Variants in ARHGEF4 observed in about 807,000 individuals in gnomAD.
ARHGEF4 encodes the protein APC-stimulated guanine nucleotide exchange factor 1.
In ARHGEF4, 119 loss-of-function variants were observed where a neutral mutation model predicts 162.0. That is an observed-to-expected ratio of 0.73 (90% CI 0.63 to 0.86). ARHGEF4 has a LOEUF of 0.86. ARHGEF4 is among the 40% of genes least tolerant of loss of function. ARHGEF4 has a pLI of 0.00. For missense variants in ARHGEF4, 2,488 were observed against 2,456.0 expected (o/e 1.01, Z -0.28); for synonymous variants, 1,014 against 979.9 (o/e 1.03, Z -0.65).
At chr2:130,933,756 G>C (rs758013729) in intron 3 of ARHGEF4, among the ~76,000 whole-genome samples, 3 of 152,134 alleles carry the variant, frequency 2.0e-5, no homozygotes, top group African/African-American at 7.2e-5. Flanking sequence ...AAATACAATT[G>C]ATTTTTGTTT....
At position 131,020,268 on chromosome 2, in the gene ARHGEF4, C is replaced by T. The variant is rs566364023; in HGVS notation, c.3986-7677C>T. On this transcript the variant is annotated intron_variant, in intron 4 of 13. Transcript: ENST00000409359. ...GTTTGTTACATATGTATACATGTGCCATGTTGGTGTGCTGCACCCATTAAC... is the reference window on the plus strand; with the variant it reads ...GTTTGTTACATATGTATACATGTGCTATGTTGGTGTGCTGCACCCATTAAC... Among the ~76,000 whole-genome samples, 26 of 151,706 alleles carry T rather than the reference C, an allele frequency of 1.7e-4. No homozygotes were observed. In the East Asian group the frequency reaches 4.7e-3, roughly 27 times the overall value.
At position 131,040,200 on chromosome 2, in the gene ARHGEF4, C is replaced by T; in HGVS notation, c.4482+8C>T. The T allele has an allele frequency of 1.2e-6, 2 of 1,609,058 alleles. No individual in the cohort carries two copies. The highest frequency in any genetic ancestry group is 8.5e-7 in the Non-Finnish European group (1 of 1,176,998). On this transcript the variant is annotated splice_region_variant and intron_variant, in intron 7 of 13. Transcript: ENST00000409359. ...CTGCGCGACATCTGCGAGGTGAGGC[C>T]CGGCCGGCGGGCGGTGACTGGGGAC...
chr2:130,868,527 G>A (rs1377410529), intron 1 of ARHGEF4, among the ~76,000 whole-genome samples: 1 of 152,098 alleles, frequency 6.6e-6, no homozygotes, highest in African/African-American at 2.4e-5. Context: ...AGAAAGCGTG[G>A]TGTCTTTAGG....
intron 3 of ARHGEF4, among the ~76,000 whole-genome samples, chr2:130,939,017 G>C (rs1292572280): frequency 6.6e-6 from 1 of 152,172 alleles, no homozygotes; most frequent in African/African-American, 2.4e-5. Context: ...AATAAGTATA[G>C]TACTGGATGG....
At chr2:130,847,145 C>T (rs551079675) in intron 1 of ARHGEF4, among the ~76,000 whole-genome samples, 14 of 152,348 alleles carry the variant, frequency 9.2e-5, no homozygotes, top group Middle Eastern at 3.4e-3. Flanking sequence ...TTGCCCCTGC[C>T]GGACACCTGG....
intron 4 of ARHGEF4, among the ~76,000 whole-genome samples, chr2:131,005,740 G>A (rs1475005380): frequency 6.6e-6 from 1 of 152,144 alleles, no homozygotes; most frequent in Non-Finnish European, 1.5e-5. Context: ...GTGGGCACTG[G>A]GGGGAGATGC....
At chr2:130,986,382 A>C (rs146550275) in intron 4 of ARHGEF4, among the ~76,000 whole-genome samples, 2,651 of 152,292 alleles carry the variant, frequency 0.017, 81 homozygotes, top group African/African-American at 0.061. Flanking sequence ...CTGGAGGCAC[A>C]GGCTGAGTCC....
At chr2:130,943,016 T>C (rs969843379) in intron 3 of ARHGEF4, among the ~76,000 whole-genome samples, 50 of 152,306 alleles carry the variant, frequency 3.3e-4, no homozygotes, top group African/African-American at 1.2e-3. Flanking sequence ...TTACCTTGTT[T>C]TTGTCTATTT....
intron 4 of ARHGEF4, among the ~76,000 whole-genome samples, chr2:130,991,461 G>A (rs1686954724): frequency 1.3e-5 from 2 of 152,222 alleles, no homozygotes; most frequent in East Asian, 1.9e-4. Flanking sequence ...AGGCGCGAGC[G>A]GGAACCAGGG....
chr2:131,033,593 A>G (rs994684483), intron 5 of ARHGEF4, among the ~76,000 whole-genome samples: 1 of 152,194 alleles, frequency 6.6e-6, no homozygotes, highest in Non-Finnish European at 1.5e-5. Context: ...GTTCGAAGCC[A>G]CACCCCATGA....
Position 130,914,150 on chromosome 2 carries a change from T to C in ARHGEF4, c.204T>C (p.Thr68=). 2 of 1,536,140 alleles carry C rather than the reference T, an allele frequency of 1.3e-6. No homozygotes were observed. The highest frequency in any genetic ancestry group is 1.7e-6 in the Non-Finnish European group (2 of 1,146,906). Residue 68 remains threonine, a synonymous_variant, in exon 2 of 14, where the codon ACT becomes ACC. Coordinates refer to ENST00000409359, the MANE Select transcript of ARHGEF4 (RefSeq NM_001367493.1). ...GTGAAAGTGGATCAGACACAAAAACTGACCCCTTTGAAAGTGCCTCTGACA... is the reference window on the plus strand; with the variant it reads ...GTGAAAGTGGATCAGACACAAAAACCGACCCCTTTGAAAGTGCCTCTGACA... The part of the protein sequence containing the change: ...QQSESGSDTK[T]DPFESASDTE...
chr2:130,907,893 G>C (rs1394237660), intron 1 of ARHGEF4, among the ~76,000 whole-genome samples: 2 of 150,376 alleles, frequency 1.3e-5, no homozygotes, highest in Non-Finnish European at 3.0e-5. Flanking sequence ...GAGGGCGGAG[G>C]TTGCAGTGAG....
chr2:130,997,738 A>T (rs1232676922), intron 4 of ARHGEF4, among the ~76,000 whole-genome samples: 2 of 152,178 alleles, frequency 1.3e-5, no homozygotes, highest in African/African-American at 4.8e-5. Context: ...TTGTTTTGAA[A>T]ACTCAAATTT....
At chr2:131,008,667 T>A (rs2105327782) in intron 4 of ARHGEF4, among the ~76,000 whole-genome samples, 1 of 152,312 alleles carries the variant, frequency 6.6e-6, no homozygotes, top group East Asian at 1.9e-4. Flanking sequence ...ATCTTTATTA[T>A]TGGCTTATCA....
At position 130,916,870 on chromosome 2, in the gene ARHGEF4, G is replaced by A; in HGVS notation, c.2924G>A (p.Gly975Glu). ...KKPTLVSLPLGPEVLSPAETD... is the reference protein window; with the variant it reads ...KKPTLVSLPLEPEVLSPAETD... ...CCCACCCTAGTGAGTCTGCCTCTAG[G>A]ACCCGAAGTTCTCTCCCCAGCAGAG... is the stretch of plus-strand genomic sequence containing the variant. The change falls in exon 2 of 14, where the codon GGA becomes GAA. Residue 975 changes from glycine to glutamate, a missense_variant. This residue lies in a region of ARHGEF4 where 1,642 missense variants were observed against 1,481.5 expected (regional missense o/e 1.11). Transcript: ENST00000409359. The A allele has an allele frequency of 6.4e-7, 1 of 1,550,408 alleles. No homozygotes were observed. Among genetic ancestry groups the A allele is most frequent in the Non-Finnish European group, 8.7e-7 (1 of 1,146,984 alleles).
chr2:130,876,868 G>T (rs1044028715), intron 1 of ARHGEF4, among the ~76,000 whole-genome samples: 2 of 152,202 alleles, frequency 1.3e-5, no homozygotes, highest in African/African-American at 4.8e-5. Flanking sequence ...TTCTCCTGAA[G>T]TAAAGGCTCA....
At position 131,040,110 on chromosome 2, in the gene ARHGEF4, A is replaced by G; in HGVS notation, c.4400A>G (p.Lys1467Arg). The change falls in exon 7 of 14, where the codon AAG becomes AGG. Residue 1467 changes from lysine (K) to arginine (R), a missense_variant. This residue lies in a region of ARHGEF4 where 174 missense variants were observed against 148.3 expected (regional missense o/e 1.17). Coordinates refer to ENST00000409359, the MANE Select transcript of ARHGEF4 (RefSeq NM_001367493.1). ...EDGGAEAQSS[K>R]DQMRTNVINE... ...GGCGGGGCGGAGGCGCAGAGCAGCA[A>G]GGACCAGATGCGGACCAACGTCATC... is the stretch of plus-strand genomic sequence containing the variant. 1 of 1,612,870 alleles carries G rather than the reference A, an allele frequency of 6.2e-7. No individual in the cohort carries two copies. Among genetic ancestry groups the G allele is most frequent in the Non-Finnish European group, 8.5e-7 (1 of 1,179,508 alleles).
chr2:130,843,835 A>G (rs907249415), intron 1 of ARHGEF4, among the ~76,000 whole-genome samples: 2 of 152,336 alleles, frequency 1.3e-5, no homozygotes, highest in Middle Eastern at 3.4e-3. Context: ...TGGCCAGGTC[A>G]GAGCCCCAGG....
rs1014276015 is a variant in ARHGEF4, at chr2:130,938,200, G to T, written c.3858+6943G>T. On this transcript the variant is annotated intron_variant, in intron 3 of 13. Coordinates refer to ENST00000409359, the MANE Select transcript of ARHGEF4 (RefSeq NM_001367493.1). ...AGGGTAAATGCCCAAGAGTACAATT[G>T]TTGGGTCATATGATAGTTGTCTGTT... Among the ~76,000 whole-genome samples, 3 of 152,102 alleles carry T rather than the reference G, an allele frequency of 2.0e-5. No homozygotes were observed. The East Asian group carries it at 5.8e-4, about 29-fold the overall frequency.
Sources: gnomAD v4.1 joint callset for allele counts (sites outside exome capture counted in the v4.1 genomes callset) on GRCh38, gnomAD v4.1.1 for gene constraint, gnomAD v4.1.1 regional missense constraint, MANE v1.5 for transcripts, NCBI Gene and HGNC (gene_info 2026-07-23, HGNC 2026-07-21) for gene names.